The following VSIG8 variants were observed in gnomAD, a reference collection of about 807,000 sequenced individuals.
VSIG8 encodes V-set and immunoglobulin domain containing 8, also known as V-set and immunoglobulin domain-containing protein 8.
A neutral mutation model predicts 42.6 loss-of-function variants in VSIG8; 32 were observed. The ratio of observed to expected loss-of-function variants is 0.75; its 90% CI spans 0.57 to 1.01. The LOEUF (loss-of-function observed/expected upper bound fraction) is 1.01. VSIG8 is among the 50% of genes least tolerant of loss of function. The pLI is 0.00. For synonymous variants in VSIG8, 290 were observed against 243.8 expected (o/e 1.19, Z -1.77); for missense variants, 529 against 558.0 (o/e 0.95, Z 0.52).
chr1:159,858,754 CG>C lies in VSIG8; in HGVS notation c.207del (p.Ala70ProfsTer45). ...DIEWMQVNSD[P>X]AHHRENVFLS... The stretch of plus-strand genomic sequence containing the variant: ...CTCACCACGTTCTCTCGGTGGTGGG[CG>C]GGGTCTGAGTTGACCTGCATCCACT... On this transcript the variant is annotated frameshift_variant, in exon 2 of 7. Transcript: ENST00000368100. LOFTEE classifies it high-confidence loss of function. 2 of 1,612,098 alleles carry C rather than the reference CG, an allele frequency of 1.2e-6. No homozygotes were observed. The highest frequency in any genetic ancestry group is 1.7e-6 in the Non-Finnish European group (2 of 1,179,256).
At chr1:159,859,048 G>T in intron 1 of VSIG8, 136 bp from the exon 2 acceptor site, 3 of 847,786 alleles carry the variant, frequency 3.5e-6, no homozygotes, top group South Asian at 1.9e-5. Flanking sequence ...AAGGAGGGCT[G>T]CTCGTAGTGG....
intron 2 of VSIG8, 136 bp downstream of exon 2, chr1:159,858,598 C>G (rs1178355048): frequency 2.1e-6 from 2 of 967,894 alleles, no homozygotes; most frequent in Non-Finnish European, 3.0e-6. Flanking sequence ...TTGCAGAGCT[C>G]TCATCCCCAT....
In VSIG8 at chr1:159,854,355, C is replaced by G. The variant is rs1160785841; in HGVS notation, c.*398G>C. ...TTCTTTATTGTGCTAACACTGCTGC[C>G]TCAGAGCTCAGACCTCACACACAGA... is the stretch of plus-strand genomic sequence containing the variant. On this transcript the variant is annotated 3_prime_UTR_variant, in exon 7 of 7. Transcript: ENST00000368100. The G allele has an allele frequency of 4.6e-5, 9 of 194,310 alleles. No homozygotes were observed. In the East Asian group the frequency reaches 1.1e-3, roughly 23 times the overall value. 12.0% of individuals were successfully genotyped at this position (194,310 alleles called of 1,614,324 possible).
chr1:159,855,011 C>T lies in VSIG8; in HGVS notation c.987G>A (p.Ala329=), dbSNP rs1379418310. ...CGCGCCCGCTGGCCTTGCACCCGGG[C>T]GCCACGGCGTCCTCTCTGTGGAAAA... The part of the protein sequence containing the change: ...LASEIREDAV[A]PGCKASGRGS... The change falls in exon 7 of 7, where the codon GCG becomes GCA. Residue 329 remains alanine, a synonymous_variant. Transcript: ENST00000368100. 3.1e-5 allele frequency: 49 copies of T among 1,568,392 alleles called. No individual in the cohort carries two copies. The highest frequency in any genetic ancestry group is 4.1e-5 in the Non-Finnish European group (48 of 1,160,654).
chr1:159,857,672 G>T, intron 4 of VSIG8, 73 bp downstream of exon 4: 1 of 1,337,756 alleles, frequency 7.5e-7, no homozygotes, highest in Non-Finnish European at 1.0e-6. Flanking sequence ...GATAACCCAA[G>T]GAAACCCCAA....
In VSIG8 at chr1:159,856,050, G is replaced by A. The variant is rs769489230; in HGVS notation, c.804C>T (p.Ile268=). The A allele has an allele frequency of 1.6e-5, 26 of 1,612,202 alleles. No individual in the cohort carries two copies. The highest frequency in any genetic ancestry group is 1.2e-4 in the Admixed American group (7 of 59,904). Reference sequence around the variant, plus strand: ...CCAGCGCGAGCAGAGAGCCCAGGACGATGCCGATGATCACGCCTATACGCC... The same window carrying A: ...CCAGCGCGAGCAGAGAGCCCAGGACAATGCCGATGATCACGCCTATACGCC... ...DSRRIGVIIG[I]VLGSLLALGC... Residue 268 remains isoleucine (I), a synonymous_variant, in exon 6 of 7, where the codon ATC becomes ATT. Transcript: ENST00000368100.
chr1:159,861,095 C>G (rs1649008345), intron 1 of VSIG8: 1 of 152,168 alleles, frequency 6.6e-6, no homozygotes, highest in African/African-American at 2.4e-5. Context: ...GGAAGTACTA[C>G]AGGGAATGTG....
intron 1 of VSIG8, among the ~76,000 whole-genome samples, chr1:159,859,306 T>C (rs1169326746): frequency 1.3e-5 from 2 of 152,194 alleles, no homozygotes; most frequent in Non-Finnish European, 2.9e-5. Flanking sequence ...TGGATGTGTT[T>C]GTGTGTGTGA....
rs1213016583 is a variant in VSIG8, at chr1:159,858,225, AGCGGACCCTCT to A, written c.284_294del (p.Gln95LeufsTer22). Reference sequence around the variant, plus strand: ...TACTGGCTTGGGTCTGAGGCTGCAAAGCGGACCCTCTGCTGCAGATGGGGAAGGCTGCCATG... The same window carrying A: ...TACTGGCTTGGGTCTGAGGCTGCAAAGCTGCAGATGGGGAAGGCTGCCATG... On this transcript the variant is annotated frameshift_variant, in exon 3 of 7. Transcript: ENST00000368100. LOFTEE classifies it high-confidence loss of function. The A allele has an allele frequency of 6.2e-7, 1 of 1,614,228 alleles. No individual in the cohort carries two copies. The highest frequency in any genetic ancestry group is 1.3e-5 in the African/African-American group (1 of 75,058).
intron 2 of VSIG8, 60 bp from the exon 3 acceptor site, chr1:159,858,351 A>T (rs1648914032): frequency 6.4e-7 from 1 of 1,571,310 alleles, no homozygotes; most frequent in Non-Finnish European, 8.8e-7. Context: ...GGCCATGTGG[A>T]TTGGCTGCTT....
At chr1:159,855,730 TG>T in intron 6 of VSIG8, 152 bp downstream of exon 6, 1 of 936,858 alleles carries the variant, frequency 1.1e-6, no homozygotes, top group Non-Finnish European at 1.3e-6. Flanking sequence ...ATGAGTTGGG[TG>T]GCAGGTCGAC....
chr1:159,857,819 C>A lies in VSIG8; in HGVS notation c.578G>T (p.Gly193Val). 2 of 1,614,208 alleles carry A rather than the reference C, an allele frequency of 1.2e-6. No homozygotes were observed. Among genetic ancestry groups the A allele is most frequent in the African/African-American group, 1.3e-5 (1 of 75,048 alleles). ...ISGHHYPYRA[G>V]SYTSQHSYHS... ...GTAGCTGTGCTGGGAGGTGTAAGAC[C>A]CAGCTCGATAGGGGTAATGGTGCCC... The change falls in exon 4 of 7, where the codon GGG (glycine) becomes GTG (valine). Residue 193 changes from glycine (G) to valine (V), a missense_variant. Physicochemically the swap from Gly to Val is moderately radical, Grantham distance 109. Transcript: ENST00000368100.
rs1649058996 is a variant in VSIG8 at position 159,862,574 on chromosome 1, A to G, written c.-53T>C. On this transcript the variant is annotated 5_prime_UTR_variant, in exon 1 of 7. Transcript: ENST00000368100. ...TGGGCTGGGTATCCCGTGGGGTCGT[A>G]GTGGTGGGTGTGAGGGGGTAGGTGG... 1 of 1,092,900 alleles carries G rather than the reference A, an allele frequency of 9.1e-7. No homozygotes were observed. The highest frequency in any genetic ancestry group is 1.3e-5 in the South Asian group (1 of 79,796). The allele number at this position is 1,092,900 out of a possible 1,614,324, so 67.7% of individuals were successfully genotyped here. A position where few individuals can be genotyped will look rare whatever the true frequency, so the allele number is the denominator to read the frequency against.
rs1648936003 is a variant in VSIG8 at position 159,858,908 on chromosome 1, C to G, written c.54G>C (p.Leu18=). 2.5e-6 allele frequency: 4 copies of G among 1,612,744 alleles called. No individual in the cohort carries two copies. The highest frequency in any genetic ancestry group is 3.4e-6 in the Non-Finnish European group (4 of 1,179,534). Residue 18 remains leucine (L), a synonymous_variant, in exon 2 of 7, where the codon CTG becomes CTC. Transcript: ENST00000368100. ...CCCCGTTGATCCGCACAGCAGACAG[C>G]AGTGCTAGGGGGAGGGCAGAGAAGA... ...HLLLVCLSPA[L]LSAVRINGDG... is the part of the protein sequence containing the mutation.
rs1175112987 is a variant in VSIG8, at chr1:159,854,737, G to A, written c.*16C>T. 1.4e-6 allele frequency: 2 copies of A among 1,459,004 alleles called. No individual in the cohort carries two copies. The highest frequency in any genetic ancestry group is 5.2e-5 in the Admixed American group (2 of 38,146). 90.4% of individuals were successfully genotyped at this position (1,459,004 alleles called of 1,614,324 possible). A position where few individuals can be genotyped will look rare whatever the true frequency, so the allele number is the denominator to read the frequency against. On this transcript the variant is annotated 3_prime_UTR_variant, in exon 7 of 7. Coordinates refer to ENST00000368100, the MANE Select transcript of VSIG8 (RefSeq NM_001013661.1). ...CCTCCTCCTGGCTGGGGCGCAGCCC[G>A]GCCCGGCGCGCGCGCTCACACCAAG... is the stretch of plus-strand genomic sequence containing the variant.
At chr1:159,862,135 T>C (rs754358688) in intron 1 of VSIG8, 13 of 302,126 alleles carry the variant, frequency 4.3e-5, no homozygotes, top group Non-Finnish European at 7.9e-5. Flanking sequence ...ACCCCTCTCC[T>C]ACCCCACCTC....
At chr1:159,857,113 A>G (rs1050815607) in intron 4 of VSIG8, among the ~76,000 whole-genome samples, 2 of 152,202 alleles carry the variant, frequency 1.3e-5, no homozygotes, top group Non-Finnish European at 2.9e-5. Context: ...CTTTCCATAT[A>G]TGAAGAAATT....
intron 4 of VSIG8, among the ~76,000 whole-genome samples, chr1:159,857,500 G>T (rs946131515): frequency 6.6e-6 from 1 of 151,426 alleles, no homozygotes; most frequent in African/African-American, 2.4e-5. Context: ...GCTTGAACCC[G>T]GGAGGCAGAG....
Position 159,856,564 on chromosome 1 carries a change from G to A in VSIG8, c.732C>T (p.Asn244=). 3.7e-6 allele frequency: 6 copies of A among 1,614,176 alleles called. No individual in the cohort carries two copies. Among genetic ancestry groups the A allele is most frequent in the Non-Finnish European group, 5.1e-6 (6 of 1,180,024 alleles). Reference sequence around the variant, plus strand: ...CCACCACACAAACACTGTAGCCCACGTTGTTGGCCACTGTGCACTGATACA... The same window carrying A: ...CCACCACACAAACACTGTAGCCCACATTGTTGGCCACTGTGCACTGATACA... The part of the protein sequence containing the change: ...DGLYQCTVAN[N]VGYSVCVVEV... The change falls in exon 5 of 7, where the codon AAC becomes AAT. Residue 244 remains asparagine, a synonymous_variant. Transcript: ENST00000368100.
Sources: allele counts gnomAD v4.1 joint callset (sites outside exome capture counted in the v4.1 genomes callset), GRCh38; gene constraint gnomAD v4.1.1; transcripts MANE v1.5; gene names NCBI Gene and HGNC (gene_info 2026-07-23, HGNC 2026-07-21).